The following GCNT4 variants were observed in gnomAD, a reference collection of about 807,000 sequenced individuals.
The protein encoded by GCNT4 is glucosaminyl (N-acetyl) transferase 4, also known as beta-1,3-galactosyl-O-glycosyl-glycoprotein beta-1,6-N-acetylglucosaminyltransferase 4.
Under a neutral mutation model 31.3 loss-of-function variants are expected in GCNT4, and 17 were observed. The ratio of observed to expected loss-of-function variants is 0.54; its 90% CI spans 0.37 to 0.81. The LOEUF is 0.81. Among genes scored for constraint, GCNT4 ranks in the 40% least tolerant of loss-of-function variants. The pLI, the probability that GCNT4 is intolerant of heterozygous loss-of-function variation, is 0.00. For missense variants in GCNT4, 503 were observed against 525.5 expected, an observed-to-expected ratio of 0.96 and a Z score of 0.42; for synonymous variants, 158 against 190.6, an observed-to-expected ratio of 0.83 and a Z score of 1.41.
At chr5:75,020,908 G>A (rs567964220), downstream of GCNT4, among the ~76,000 whole-genome samples, 1 of 152,270 alleles carries the variant, frequency 6.6e-6, no homozygotes, top group East Asian at 1.9e-4. Flanking sequence ...TCTGAGTGAT[G>A]AGGATGTTGG....
downstream of GCNT4, among the ~76,000 whole-genome samples, chr5:75,022,326 G>A (rs1328669204): frequency 6.6e-6 from 1 of 152,166 alleles, no homozygotes; most frequent in Non-Finnish European, 1.5e-5. Context: ...CTTCAACAAT[G>A]TAGAGAAAGC....
In GCNT4 at chr5:75,028,755, A is replaced by G. The variant is rs1323930893; in HGVS notation, c.1283T>C (p.Leu428Pro). 6.2e-7 allele frequency: 1 copy of G among 1,614,028 alleles called. No individual in the cohort carries two copies. Among genetic ancestry groups the G allele is most frequent in the Middle Eastern group, 1.6e-4 (1 of 6,062 alleles). ...PILIKCLAEK[L>P]EEQQRDWITL... ...GATCCAGTCTCTCTGCTGTTCTTCA[A>G]GCTTTTCTGCCAAGCATTTAATCAA... The change falls in exon 4 of 4, where the codon CTT becomes CCT. Residue 428 changes from leucine to proline, a missense_variant. Transcript: ENST00000652361.
Position 75,028,337 on chromosome 5 carries a change from T to C in GCNT4, c.*339A>G. 4.4e-6 allele frequency: 1 copy of C among 227,018 alleles called. No homozygotes were observed. The highest frequency in any genetic ancestry group is 8.6e-6 in the Non-Finnish European group (1 of 116,812). The allele number at this position is 227,018 out of a possible 1,614,324, so 14.1% of individuals were successfully genotyped here. Reference sequence around the variant, plus strand: ...AATCCTGACTGTTATGTGGAGAACTTAAAGATACCGAGGTTGCTATGATGA... The same window carrying C: ...AATCCTGACTGTTATGTGGAGAACTCAAAGATACCGAGGTTGCTATGATGA... On this transcript the variant is annotated 3_prime_UTR_variant, in exon 4 of 4. Coordinates refer to ENST00000652361, the MANE Select transcript of GCNT4 (RefSeq NM_001366737.1).
intron 3 of GCNT4, among the ~76,000 whole-genome samples, chr5:75,045,439 T>C (rs1160718004): frequency 6.6e-6 from 1 of 152,236 alleles, no homozygotes; most frequent in Non-Finnish European, 1.5e-5. Flanking sequence ...GGTTCATCCA[T>C]GTTGTAGTGT....
intron 2 of GCNT4, among the ~76,000 whole-genome samples, chr5:75,048,389 C>T (rs914776293): frequency 2.0e-5 from 3 of 151,988 alleles, no homozygotes; most frequent in African/African-American, 4.8e-5. Flanking sequence ...TAACTGTATT[C>T]GTTAATTGAG....
intron 3 of GCNT4, among the ~76,000 whole-genome samples, chr5:75,035,122 C>T (rs1472477535): frequency 7.1e-6 from 1 of 140,592 alleles, no homozygotes; most frequent in African/African-American, 2.6e-5. Flanking sequence ...CCCAGCTAAG[C>T]GGACACGACT....
At chr5:75,032,919 GTGTGAT>G (rs1743103005) in intron 3 of GCNT4, among the ~76,000 whole-genome samples, 1 of 135,772 alleles carries the variant, frequency 7.4e-6, no homozygotes. Flanking sequence ...GTGTGTGTGT[GTGTGAT>G]TAATTCATGG....
At chr5:75,049,446 C>A (rs940923338) in intron 2 of GCNT4, among the ~76,000 whole-genome samples, 6 of 152,198 alleles carry the variant, frequency 3.9e-5, no homozygotes, top group African/African-American at 1.2e-4. Flanking sequence ...CCACACTGAG[C>A]CCACCATCCC....
intron 3 of GCNT4, among the ~76,000 whole-genome samples, chr5:75,036,240 T>C (rs1410143541): frequency 6.6e-6 from 1 of 152,234 alleles, no homozygotes; most frequent in Non-Finnish European, 1.5e-5. Flanking sequence ...ATTAATAATG[T>C]AGAATCACTC....
intron 3 of GCNT4, among the ~76,000 whole-genome samples, chr5:75,043,838 T>A (rs1344621723): frequency 6.6e-6 from 1 of 152,174 alleles, no homozygotes; most frequent in African/African-American, 2.4e-5. Flanking sequence ...TAAACCAGAT[T>A]AAAGTGGCTA....
At chr5:75,046,463 C>T (rs1561378555) in intron 3 of GCNT4, among the ~76,000 whole-genome samples, 1 of 152,160 alleles carries the variant, frequency 6.6e-6, no homozygotes, top group Non-Finnish European at 1.5e-5. Flanking sequence ...GCCGAACTGT[C>T]CCCCCTCTGC....
At chr5:75,053,032 C>A (rs966419423), upstream of GCNT4, among the ~76,000 whole-genome samples, 59 of 151,980 alleles carry the variant, frequency 3.9e-4, 1 homozygote, top group African/African-American at 1.4e-3. Flanking sequence ...TCCAGCCTGG[C>A]GGCTCCACTC....
At chr5:75,024,492 G>A (rs1742918724), downstream of GCNT4, among the ~76,000 whole-genome samples, 1 of 152,112 alleles carries the variant, frequency 6.6e-6, no homozygotes, top group Non-Finnish European at 1.5e-5. Context: ...GTTTAGAAAT[G>A]GTGAAAGAAA....
rs1440054374 is a variant in GCNT4, at chr5:75,048,006, G to A, written c.-111C>T. 6.6e-6 allele frequency: 1 copy of A among 152,212 alleles called. No individual in the cohort carries two copies. Among genetic ancestry groups the A allele is most frequent in the African/African-American group, 2.4e-5 (1 of 41,460 alleles). 9.4% of individuals were successfully genotyped at this position (152,212 alleles called of 1,614,324 possible). On this transcript the variant is annotated 5_prime_UTR_variant, in exon 3 of 4. Transcript: ENST00000652361. Reference sequence around the variant, plus strand: ...TGCTACAGATGGCTGTACTGGGACAGTGACCGAGGATGTAGTTCTAGAACA... The same window carrying A: ...TGCTACAGATGGCTGTACTGGGACAATGACCGAGGATGTAGTTCTAGAACA...
chr5:75,029,930 T>C lies in GCNT4; in HGVS notation c.108A>G (p.Arg36=). 1 of 1,613,958 alleles carries C rather than the reference T, an allele frequency of 6.2e-7. No homozygotes were observed. Among genetic ancestry groups the C allele is most frequent in the Non-Finnish European group, 8.5e-7 (1 of 1,179,980 alleles). The part of the protein sequence containing the change: ...LSLLKLLNVR[R]LFPQKDIYLV... ...AGTAAATGTCTTTTTGCGGAAAGAG[T>C]CGTCTCACATTTAGAAGCTTTAACA... Residue 36 remains arginine, a synonymous_variant, in exon 4 of 4, where the codon CGA becomes CGG. Coordinates refer to ENST00000652361, the MANE Select transcript of GCNT4 (RefSeq NM_001366737.1).
At chr5:75,024,187 A>T (rs571674594), downstream of GCNT4, among the ~76,000 whole-genome samples, 3 of 152,334 alleles carry the variant, frequency 2.0e-5, no homozygotes, top group African/African-American at 4.8e-5. Context: ...GGGAACAAAA[A>T]AATATGAAAC....
downstream of GCNT4, among the ~76,000 whole-genome samples, chr5:75,020,609 A>G (rs1165171879): frequency 6.6e-6 from 1 of 152,018 alleles, no homozygotes; most frequent in Non-Finnish European, 1.5e-5. Flanking sequence ...TCGCCCATCC[A>G]CCCACTTGCC....
chr5:75,030,115 G>A (rs945263169), intron 3 of GCNT4, 77 bp from the exon 4 acceptor site: 17 of 1,373,160 alleles, frequency 1.2e-5, no homozygotes, highest in Non-Finnish European at 1.7e-5. Flanking sequence ...TCTACTGGGC[G>A]CCTACCACAT....
In GCNT4 at chr5:75,038,576, T is replaced by C. The variant is rs1215209585; in HGVS notation, c.-1-8538A>G. Among the ~76,000 whole-genome samples the C allele has an allele frequency of 3.3e-5, 5 of 152,158 alleles. 1 individual carries two copies. The South Asian group carries it at 1.0e-3, about 32-fold the overall frequency. ...GTCCAAGATCAAGGCACAGATTTGG[T>C]GTCGGTGAGGGCTGCCCTCTGCTTC... On this transcript the variant is annotated intron_variant, in intron 3 of 3. Coordinates refer to ENST00000652361, the MANE Select transcript of GCNT4 (RefSeq NM_001366737.1).
Sources: allele counts gnomAD v4.1 joint callset (sites outside exome capture counted in the v4.1 genomes callset), GRCh38; gene constraint gnomAD v4.1.1; transcripts MANE v1.5; gene names NCBI Gene and HGNC (gene_info 2026-07-23, HGNC 2026-07-21).